The following CDYL2 variants were observed in gnomAD, a reference collection of about 807,000 sequenced individuals.
CDYL2 encodes the protein chromodomain Y-like protein 2.
A neutral mutation model predicts 49.4 loss-of-function variants in CDYL2; 23 were observed. That is an observed-to-expected ratio of 0.47 (90% CI 0.34 to 0.66). The LOEUF is 0.66. Among genes scored for constraint, CDYL2 ranks in the 30% least tolerant of loss-of-function variants. CDYL2 has a pLI of 0.01. For missense variants in CDYL2, 678 were observed against 656.4 expected (o/e 1.03, Z -0.36); for synonymous variants, 360 against 268.8 (o/e 1.34, Z -3.32).
chr16:80,766,476 C>T (rs116508415), intron 1 of CDYL2, among the ~76,000 whole-genome samples: 1,556 of 152,238 alleles, frequency 0.01, 27 homozygotes, highest in African/African-American at 0.036. Flanking sequence ...TGGCATTCTC[C>T]GGGGTTGGTT....
At chr16:80,714,583 A>C (rs1303626683) in intron 1 of CDYL2, among the ~76,000 whole-genome samples, 1 of 152,136 alleles carries the variant, frequency 6.6e-6, no homozygotes, top group East Asian at 1.9e-4. Flanking sequence ...GCAAGACGTA[A>C]GACTTCCTAA....
At chr16:80,734,551 C>G (rs1905448945) in intron 1 of CDYL2, among the ~76,000 whole-genome samples, 1 of 152,056 alleles carries the variant, frequency 6.6e-6, no homozygotes, top group South Asian at 2.1e-4. Flanking sequence ...AATAGGGAAG[C>G]AGGTTTGGGA....
chr16:80,607,609 T>G (rs6420415), intron 6 of CDYL2, among the ~76,000 whole-genome samples: 57,886 of 152,118 alleles, frequency 0.38, 13,021 homozygotes, highest in African/African-American at 0.63. Flanking sequence ...GAGGTGTTAT[T>G]TGTTTATGTA....
intron 1 of CDYL2, among the ~76,000 whole-genome samples, chr16:80,738,950 C>A (rs970030603): frequency 1.3e-5 from 2 of 152,158 alleles, no homozygotes; most frequent in African/African-American, 4.8e-5. Context: ...CTATTGTCTT[C>A]AGCTGTAAAA....
At chr16:80,642,419 G>A (rs549906950) in intron 2 of CDYL2, among the ~76,000 whole-genome samples, 3 of 152,270 alleles carry the variant, frequency 2.0e-5, no homozygotes, top group Non-Finnish European at 1.5e-5. Flanking sequence ...TCTAGCCTGG[G>A]TTAACGGAGC....
intron 2 of CDYL2, among the ~76,000 whole-genome samples, chr16:80,661,342 C>A (rs1199457393): frequency 6.6e-6 from 1 of 152,204 alleles, no homozygotes; most frequent in Non-Finnish European, 1.5e-5. Flanking sequence ...CCTGCCCCCA[C>A]AACAGTGTGA....
intron 1 of CDYL2, among the ~76,000 whole-genome samples, chr16:80,712,759 C>T (rs577059293): frequency 1.5e-4 from 23 of 152,214 alleles, no homozygotes; most frequent in African/African-American, 5.3e-4. Flanking sequence ...ATGCAGTCAA[C>T]AAAAAGGACT....
chr16:80,733,955 C>G (rs747587014), intron 1 of CDYL2, among the ~76,000 whole-genome samples: 2 of 152,180 alleles, frequency 1.3e-5, no homozygotes, highest in African/African-American at 4.8e-5. Flanking sequence ...CTCCTCATGG[C>G]AAGACCCACA....
intron 2 of CDYL2, among the ~76,000 whole-genome samples, chr16:80,676,143 C>T (rs538167834): frequency 5.9e-5 from 9 of 152,238 alleles, no homozygotes; most frequent in South Asian, 2.1e-4. Context: ...GTGCATAGGG[C>T]GGTGGCCAAG....
At chr16:80,623,930 C>G (rs1446934080) in intron 3 of CDYL2, among the ~76,000 whole-genome samples, 1 of 152,148 alleles carries the variant, frequency 6.6e-6, no homozygotes, top group Non-Finnish European at 1.5e-5. Flanking sequence ...ATCCTTCTCC[C>G]CTCCCAGACT....
At chr16:80,696,760 G>A (rs9922837) in intron 1 of CDYL2, among the ~76,000 whole-genome samples, 76,564 of 151,088 alleles carry the variant, frequency 0.51, 20,768 homozygotes, top group Middle Eastern at 0.7. Context: ...TCCAGAACAG[G>A]ATGGCTTTAC....
intron 2 of CDYL2, among the ~76,000 whole-genome samples, chr16:80,662,244 G>GT (rs1567560551): frequency 6.6e-6 from 1 of 152,168 alleles, no homozygotes; most frequent in African/African-American, 2.4e-5. Context: ...AGAACACAGC[G>GT]TGAGTGCTAT....
intron 1 of CDYL2, among the ~76,000 whole-genome samples, chr16:80,756,317 T>C (rs1906308705): frequency 6.6e-6 from 1 of 152,068 alleles, no homozygotes; most frequent in Admixed American, 6.5e-5. Flanking sequence ...CAAACCTCTG[T>C]CTAGTCTATT....
intron 1 of CDYL2, among the ~76,000 whole-genome samples, chr16:80,802,517 T>G (rs1907957041): frequency 6.6e-6 from 1 of 152,220 alleles, no homozygotes; most frequent in African/African-American, 2.4e-5. Flanking sequence ...ATTGGCCACA[T>G]TTGCCGAAGT....
intron 1 of CDYL2, among the ~76,000 whole-genome samples, chr16:80,737,772 A>T (rs1303990027): frequency 6.6e-6 from 1 of 152,222 alleles, no homozygotes; most frequent in East Asian, 1.9e-4. Flanking sequence ...CCAAGTCCCC[A>T]GGTCTGGGAA....
chr16:80,788,287 G>C lies in CDYL2; in HGVS notation c.24+15863C>G, dbSNP rs140800201. 2.1e-3 allele frequency among the ~76,000 whole-genome samples: 322 copies of C among 152,306 alleles called. 1 individual carries two copies. Among genetic ancestry groups the C allele is most frequent in the African/African-American group, 7.5e-3 (312 of 41,566 alleles). ...ACCATCACAATTACTAAGATGTGCA[G>C]TCATCACTTTTTGTGAGTCAGCATG... On this transcript the variant is annotated intron_variant, in intron 1 of 6. Transcript: ENST00000570137.
chr16:80,610,704 G>A (rs1465952651), intron 5 of CDYL2, among the ~76,000 whole-genome samples: 3 of 152,178 alleles, frequency 2.0e-5, no homozygotes, highest in African/African-American at 7.2e-5. Flanking sequence ...TGCTGTCCAA[G>A]AGGCATGATG....
At chr16:80,736,794 C>T (rs1336114967) in intron 1 of CDYL2, among the ~76,000 whole-genome samples, 2 of 152,130 alleles carry the variant, frequency 1.3e-5, no homozygotes, top group Non-Finnish European at 2.9e-5. Flanking sequence ...CAACTTACAG[C>T]CCAATTAGGG....
At chr16:80,760,004 C>T (rs1031695993) in intron 1 of CDYL2, among the ~76,000 whole-genome samples, 9 of 152,204 alleles carry the variant, frequency 5.9e-5, no homozygotes, top group Admixed American at 2.6e-4. Flanking sequence ...CCTTTTCAGA[C>T]ATTAGTACCC....
Sources: gnomAD v4.1 joint callset for allele counts (sites outside exome capture counted in the v4.1 genomes callset) on GRCh38, gnomAD v4.1.1 for gene constraint, MANE v1.5 for transcripts, NCBI Gene and HGNC (gene_info 2026-07-23, HGNC 2026-07-21) for gene names.